Variants in ARVCF observed in about 807,000 individuals in gnomAD.
The protein encoded by ARVCF is splicing regulator ARVCF.
A neutral mutation model predicts 90.9 loss-of-function variants in ARVCF; 66 were observed. The ratio of observed to expected loss-of-function variants is 0.73; its 90% CI spans 0.60 to 0.89. The LOEUF (loss-of-function observed/expected upper bound fraction) is 0.89, where lower values mean the gene tolerates loss of function less well. ARVCF is among the 40% of genes least tolerant of loss of function. ARVCF has a pLI of 0.00. For synonymous variants in ARVCF, 653 were observed against 603.4 expected (o/e 1.08, Z -1.21); for missense variants, 1,469 against 1,382.3 (o/e 1.06, Z -1.00).
rs1943358342 is a variant in ARVCF, at chr22:19,979,507, G to T, written c.1396+236C>A. ...GGCAGGAGGTGTGAAGGCAGGAGGT[G>T]AGGGGACATGCCCGAGGGGCGCAGC... On this transcript the variant is annotated intron_variant, in intron 6 of 19. Transcript: ENST00000263207. The T allele has an allele frequency of 4.1e-5, 26 of 640,430 alleles. No homozygotes were observed. The South Asian group carries it at 5.6e-4, about 14-fold the overall frequency. 39.7% of individuals were successfully genotyped at this position (640,430 alleles called of 1,614,324 possible).
intron 3 of ARVCF, 50 bp downstream of exon 3, chr22:19,990,535 T>A (rs1016600968): frequency 1.3e-6 from 2 of 1,550,424 alleles, no homozygotes; most frequent in African/African-American, 2.7e-5. Flanking sequence ...ACCCACTGAT[T>A]GTTTTCCCAC....
downstream of ARVCF, chr22:19,968,763 T>G (rs768425882): frequency 1.3e-6 from 2 of 1,596,980 alleles, no homozygotes; most frequent in African/African-American, 2.7e-5. Flanking sequence ...CCTCTCGGGC[T>G]CTCTCACCCA....
intron 3 of ARVCF, among the ~76,000 whole-genome samples, chr22:19,990,162 G>A (rs1943971382): frequency 6.6e-6 from 1 of 152,214 alleles, no homozygotes; most frequent in Non-Finnish European, 1.5e-5. Context: ...CAGAGAAAAT[G>A]AGGCTCCCAG....
At position 19,970,578 on chromosome 22, in the gene ARVCF, G is replaced by A; in HGVS notation, c.*178C>T. The A allele has an allele frequency of 2.4e-6, 3 of 1,231,260 alleles. No homozygotes were observed. The highest frequency in any genetic ancestry group is 3.1e-6 in the Non-Finnish European group (3 of 961,830). The allele number at this position is 1,231,260 out of a possible 1,614,324, so 76.3% of individuals were successfully genotyped here. A position where few individuals can be genotyped will look rare whatever the true frequency, so the allele number is the denominator to read the frequency against. On this transcript the variant is annotated 3_prime_UTR_variant, in exon 20 of 20. Coordinates refer to ENST00000263207, the MANE Select transcript of ARVCF (RefSeq NM_001670.3). ...GCCTAGGGAGTTAGGTAGGATGGGGGGAGTGGGGTGGGGGGGCAGGAGGGT... is the reference window on the plus strand; with the variant it reads ...GCCTAGGGAGTTAGGTAGGATGGGGAGAGTGGGGTGGGGGGGCAGGAGGGT...
intron 3 of ARVCF, chr22:19,987,189 G>A (rs1266889833): frequency 2.9e-5 from 12 of 412,130 alleles, no homozygotes; most frequent in South Asian, 6.4e-5. Flanking sequence ...CTCAGGCTCG[G>A]CGGACTCGCT....
rs1306672289 is a variant in ARVCF, at chr22:19,969,978, C to T, written c.*778G>A. On this transcript the variant is annotated 3_prime_UTR_variant, in exon 20 of 20. Coordinates refer to ENST00000263207, the MANE Select transcript of ARVCF (RefSeq NM_001670.3). ...GTCTTATTTTGGCTTATTTTTAATG[C>T]TTTTTCTCAGTGTTTTTCTTCTGTT... 6 of 985,596 alleles carry T rather than the reference C, an allele frequency of 6.1e-6. No homozygotes were observed. Among genetic ancestry groups the T allele is most frequent in the Non-Finnish European group, 7.2e-6 (6 of 829,924 alleles). The allele number at this position is 985,596 out of a possible 1,614,324, so 61.1% of individuals were successfully genotyped here. A position where few individuals can be genotyped will look rare whatever the true frequency, so the allele number is the denominator to read the frequency against.
chr22:19,973,003 G>T lies in ARVCF; in HGVS notation c.2472C>A (p.His824Gln). ...TGTAGCTCCACACTGTCTGCAGCAC[G>T]TGTGACGCCGCCTTCGCTTCGCGTA... ...QSVREAKAAS[H>Q]VLQTVWSYKE... The change falls in exon 15 of 20, where the codon CAC becomes CAA. Residue 824 changes from histidine (H) to glutamine (Q), a missense_variant. His to Gln is a conservative substitution (Grantham distance 24, BLOSUM62 0). Coordinates refer to ENST00000263207, the MANE Select transcript of ARVCF (RefSeq NM_001670.3). 6.2e-7 allele frequency: 1 copy of T among 1,613,522 alleles called. No individual in the cohort carries two copies. Among genetic ancestry groups the T allele is most frequent in the Non-Finnish European group, 8.5e-7 (1 of 1,180,020 alleles).
chr22:19,991,202 A>G (rs1666868721), intron 2 of ARVCF, among the ~76,000 whole-genome samples: 1 of 152,186 alleles, frequency 6.6e-6, no homozygotes, highest in Non-Finnish European at 1.5e-5. Context: ...CCCCACTCCC[A>G]TCTCACAGAG....
intron 1 of ARVCF, among the ~76,000 whole-genome samples, chr22:20,015,381 AT>A (rs752421982): frequency 4.6e-5 from 7 of 152,146 alleles, no homozygotes. Flanking sequence ...CTGTCGCCTG[AT>A]CTAAGGCCTG....
intron 2 of ARVCF, among the ~76,000 whole-genome samples, chr22:19,998,250 T>C (rs1190753056): frequency 2.0e-5 from 3 of 152,186 alleles, no homozygotes; most frequent in South Asian, 4.1e-4. Flanking sequence ...TCCCCCCTCA[T>C]TGGAAGACGG....
rs16982894 is a variant in ARVCF at position 19,990,551 on chromosome 22, A to T, written c.210+34T>A. The T allele has an allele frequency of 0.052, 81,122 of 1,573,518 alleles. 2,654 individuals are homozygous for T. Among genetic ancestry groups the T allele is most frequent in the African/African-American group, 0.13 (9,955 of 74,366 alleles). ...CCCACTGATTGTTTTCCCACTTGGC[A>T]ATTTTCACCCTTCCCAAGTCACTAG... On this transcript the variant is annotated intron_variant, in intron 3 of 19. Coordinates refer to ENST00000263207, the MANE Select transcript of ARVCF (RefSeq NM_001670.3).
intron 2 of ARVCF, among the ~76,000 whole-genome samples, chr22:20,005,692 C>T (rs1054225866): frequency 1.3e-5 from 2 of 151,692 alleles, no homozygotes; most frequent in African/African-American, 2.4e-5. Context: ...TGGTGACAGG[C>T]GCCTGTAGTC....
chr22:19,980,893 CA>C, intron 5 of ARVCF: 1 of 338,052 alleles, frequency 3.0e-6, no homozygotes, highest in South Asian at 9.0e-5. Context: ...AAACTGAGGG[CA>C]ATGGGGACAG....
chr22:19,965,653 C>T (rs174696), downstream of ARVCF: 94,751 of 151,462 alleles, frequency 0.63, 31,662 homozygotes, highest in Non-Finnish European at 0.78. Context: ...TTCCAGCTTT[C>T]AAAACAACAA....
intron 3 of ARVCF, among the ~76,000 whole-genome samples, chr22:19,985,572 TCA>T (rs1289584290): frequency 2.0e-5 from 3 of 152,186 alleles, no homozygotes; most frequent in Non-Finnish European, 4.4e-5. Flanking sequence ...CTGGGTAGCA[TCA>T]GTCTCACTTT....
Position 19,974,146 on chromosome 22 carries a change from C to G in ARVCF, c.2054G>C (p.Gly685Ala). 6.2e-7 allele frequency: 1 copy of G among 1,612,682 alleles called. No individual in the cohort carries two copies. Among genetic ancestry groups the G allele is most frequent in the Non-Finnish European group, 8.5e-7 (1 of 1,179,718 alleles). ...GCCGGCACTGAGGTTCTGCAGAGCG[C>G]CGGCGGCAGCCTCCAGGGTGTTGAA... is the stretch of plus-strand genomic sequence containing the variant. ...RNFNTLEAAA[G>A]ALQNLSAGNW... Residue 685 changes from glycine to alanine, a missense_variant, in exon 12 of 20, where the codon GGC (glycine) becomes GCC (alanine). Physicochemically the swap from Gly to Ala is moderately conservative, Grantham distance 60 (BLOSUM62 0). Coordinates refer to ENST00000263207, the MANE Select transcript of ARVCF (RefSeq NM_001670.3).
downstream of ARVCF, among the ~76,000 whole-genome samples, chr22:19,966,292 T>C (rs1942384357): frequency 6.6e-6 from 1 of 151,972 alleles, no homozygotes; most frequent in Non-Finnish European, 1.5e-5. Flanking sequence ...GTGGGTTCTG[T>C]GAGCATCGGA....
At chr22:19,999,979 G>A (rs925392974) in intron 2 of ARVCF, among the ~76,000 whole-genome samples, 1 of 152,200 alleles carries the variant, frequency 6.6e-6, no homozygotes, top group African/African-American at 2.4e-5. Context: ...GGGGCAGAAC[G>A]AGGACCCAGC....
At chr22:20,001,721 G>A (rs1330143261) in intron 2 of ARVCF, among the ~76,000 whole-genome samples, 5 of 152,190 alleles carry the variant, frequency 3.3e-5, no homozygotes, top group African/African-American at 1.2e-4. Context: ...TGAGGCAGGA[G>A]GCAGAGGTTG....
Sources: gnomAD v4.1 joint callset for allele counts (sites outside exome capture counted in the v4.1 genomes callset) on GRCh38, gnomAD v4.1.1 for gene constraint, MANE v1.5 for transcripts, NCBI Gene and HGNC (gene_info 2026-07-23, HGNC 2026-07-21) for gene names.